The following MEAK7 variants were observed in gnomAD, a reference collection of about 807,000 sequenced individuals.
MEAK7 encodes the protein MTOR-associated protein MEAK7.
In MEAK7, 68 loss-of-function variants were observed where a neutral mutation model predicts 40.5. The observed-to-expected ratio is 1.68, with a 90% CI of 1.38 to 2.06. The LOEUF is 2.06. MEAK7 is among the 30% of genes most tolerant of loss of function. MEAK7 has a pLI of 0.00. For missense variants in MEAK7, 918 were observed against 580.5 expected (o/e 1.58, Z -5.98); for synonymous variants, 338 against 231.9 (o/e 1.46, Z -4.16).
intron 3 of MEAK7, among the ~76,000 whole-genome samples, chr16:84,491,318 A>G (rs1913577166): frequency 6.6e-6 from 1 of 152,190 alleles, no homozygotes; most frequent in Non-Finnish European, 1.5e-5. Flanking sequence ...TGGGCAGATC[A>G]TTTGAGGTTA....
At chr16:84,482,807 G>A (rs999190199) in intron 5 of MEAK7, 97 bp from the exon 6 acceptor site, 44 of 1,537,486 alleles carry the variant, frequency 2.9e-5, no homozygotes, top group Non-Finnish European at 3.9e-5. Context: ...GAAGCAACAG[G>A]GCCAAGACCC....
intron 3 of MEAK7, chr16:84,494,652 T>A (rs1299135424): frequency 2.9e-6 from 1 of 340,736 alleles, no homozygotes; most frequent in South Asian, 2.3e-5. Flanking sequence ...TTGTTTGTTG[T>A]TTTTCTCTCT....
In MEAK7 at chr16:84,489,156, G is replaced by T. The variant is rs113763598; in HGVS notation, c.529+122C>A. On this transcript the variant is annotated intron_variant, in intron 4 of 7. Transcript: ENST00000343629. ...ATATGCCAACAAACTAGAAAACCTAGAAGAAGGTTCGAGGGCTCACGCATT... is the reference window on the plus strand; with the variant it reads ...ATATGCCAACAAACTAGAAAACCTATAAGAAGGTTCGAGGGCTCACGCATT... 10 of 1,286,312 alleles carry T rather than the reference G, an allele frequency of 7.8e-6. No individual in the cohort carries two copies. The African/African-American group carries it at 1.4e-4, about 17-fold the overall frequency. 79.7% of individuals were successfully genotyped at this position (1,286,312 alleles called of 1,614,324 possible). A position where few individuals can be genotyped will look rare whatever the true frequency, so the allele number is the denominator to read the frequency against.
At chr16:84,483,034 T>G (rs1391691540) in intron 5 of MEAK7, among the ~76,000 whole-genome samples, 1 of 152,158 alleles carries the variant, frequency 6.6e-6, no homozygotes, top group Non-Finnish European at 1.5e-5. Flanking sequence ...AGAGCAGGCT[T>G]CCTTTAGCTT....
Position 84,480,626 on chromosome 16 carries a change from C to T in MEAK7, c.1160G>A (p.Cys387Tyr). 1 of 1,614,070 alleles carries T rather than the reference C, an allele frequency of 6.2e-7. No homozygotes were observed. Among genetic ancestry groups the T allele is most frequent in the South Asian group, 1.1e-5 (1 of 91,078 alleles). The change falls in exon 7 of 8, where the codon TGC (cysteine) becomes TAC (tyrosine). Residue 387 changes from cysteine to tyrosine, a missense_variant. Transcript: ENST00000343629. ...CAGCTGCGGGCTGTTGTACGTGGTG[C>T]ACGTGGGCTTGGCTCTGCTGTGTCC... The part of the protein sequence containing the change: ...GKGHSRAKPT[C>Y]TTYNSPQLSA...
At chr16:84,502,770 C>G (rs1914607947) in intron 1 of MEAK7, 1 of 152,140 alleles carries the variant, frequency 6.6e-6, no homozygotes, top group Admixed American at 6.6e-5. Context: ...ATTCAGGAGG[C>G]TGAGGTGGGA....
rs764770807 is a variant in MEAK7, at chr16:84,486,901, G to C, written c.688C>G (p.Leu230Val). ...ILCSSLDLTT[L>V]VPERQVDQGR... ...TGGTCCACTTGACGCTCAGGGACCA[G>C]GGTAGTCAGATCAAGAGACGAGCAC... is the stretch of plus-strand genomic sequence containing the variant. The change falls in exon 5 of 8, where the codon CTG becomes GTG. Residue 230 changes from leucine (L) to valine (V), a missense_variant. By Grantham distance (32) the Leu-to-Val change is conservative. Coordinates refer to ENST00000343629, the MANE Select transcript of MEAK7 (RefSeq NM_020947.4). 3.7e-6 allele frequency: 6 copies of C among 1,614,094 alleles called. No individual in the cohort carries two copies. Among genetic ancestry groups the C allele is most frequent in the Middle Eastern group, 1.6e-4 (1 of 6,084 alleles).
chr16:84,502,274 G>A (rs1914565989), intron 1 of MEAK7, among the ~76,000 whole-genome samples: 1 of 152,204 alleles, frequency 6.6e-6, no homozygotes, highest in Admixed American at 6.5e-5. Flanking sequence ...AAAAGTGTGT[G>A]GTTGCCACAA....
chr16:84,481,513 C>T (rs796407638), intron 6 of MEAK7, among the ~76,000 whole-genome samples: 1 of 152,218 alleles, frequency 6.6e-6, no homozygotes, highest in Non-Finnish European at 1.5e-5. Flanking sequence ...TTCTAGGTGG[C>T]CTGGCCACGC....
intron 7 of MEAK7, 87 bp from the exon 8 acceptor site, chr16:84,480,113 T>C: frequency 9.0e-7 from 1 of 1,114,526 alleles, no homozygotes; most frequent in Non-Finnish European, 1.3e-6. Context: ...CCTTCTTGGG[T>C]GGAATCAGGC....
Position 84,486,800 on chromosome 16 carries a change from C to A in MEAK7, c.789G>T (p.Arg263=). Residue 263 remains arginine (R), a synonymous_variant, in exon 5 of 8, where the codon CGG becomes CGT. Transcript: ENST00000343629. ...ACGAAAAGAGCAGGCACCAGCGGTGCCGCTGCTCCCGAGGCAGCTGGGCGT... is the reference window on the plus strand; with the variant it reads ...ACGAAAAGAGCAGGCACCAGCGGTGACGCTGCTCCCGAGGCAGCTGGGCGT... ...YINAQLPREQ[R]HRWCLLFSSE... is the part of the protein sequence containing the mutation. 1 of 1,614,020 alleles carries A rather than the reference C, an allele frequency of 6.2e-7. No homozygotes were observed. The highest frequency in any genetic ancestry group is 8.5e-7 in the Non-Finnish European group (1 of 1,179,896).
intron 5 of MEAK7, chr16:84,486,315 G>C: frequency 1.9e-6 from 1 of 513,836 alleles, no homozygotes; most frequent in Non-Finnish European, 2.8e-6. Flanking sequence ...TGTCCGATCT[G>C]AACCAATTAC....
In MEAK7 at chr16:84,480,705, T is replaced by G. The variant is rs1464841076; in HGVS notation, c.1081A>C (p.Met361Leu). The G allele has an allele frequency of 6.2e-7, 1 of 1,610,672 alleles. No individual in the cohort carries two copies. Among genetic ancestry groups the G allele is most frequent in the Admixed American group, 1.7e-5 (1 of 59,476 alleles). ...GQQTIPNGLG[M>L]GGQHNYFGLW... is the part of the protein sequence containing the mutation. ...CCAAAGTAATTGTGCTGCCCCCCCA[T>G]ACCCTGCAAAGGAAGCCAGGACAGA... Residue 361 changes from methionine to leucine, a missense_variant, in exon 7 of 8, where the codon ATG becomes CTG. Physicochemically the swap from Met to Leu is conservative, Grantham distance 15. Coordinates refer to ENST00000343629, the MANE Select transcript of MEAK7 (RefSeq NM_020947.4).
rs960129652 is a variant in MEAK7, at chr16:84,477,702, T to G, written c.*2211A>C. On this transcript the variant is annotated 3_prime_UTR_variant, in exon 8 of 8. Transcript: ENST00000343629. ...CTGGTTTCACAAAAGAACAAACTAT[T>G]CATTTGTGCAAACTAGGATTGCGAG... The G allele has an allele frequency of 6.6e-6, 1 of 151,910 alleles. No individual in the cohort carries two copies. Among genetic ancestry groups the G allele is most frequent in the African/African-American group, 2.4e-5 (1 of 41,290 alleles). The allele number at this position is 151,910 out of a possible 1,614,324, so 9.4% of individuals were successfully genotyped here. A position where few individuals can be genotyped will look rare whatever the true frequency, so the allele number is the denominator to read the frequency against.
At chr16:84,483,425 C>T (rs538302712) in intron 5 of MEAK7, among the ~76,000 whole-genome samples, 40 of 152,218 alleles carry the variant, frequency 2.6e-4, no homozygotes, top group Non-Finnish European at 3.5e-4. Flanking sequence ...AGGACTTGGC[C>T]GGAAGGGCTG....
intron 3 of MEAK7, among the ~76,000 whole-genome samples, chr16:84,490,443 CTTTTTTTTTTTTT>C (rs770073812): frequency 4.3e-5 from 4 of 93,876 alleles, no homozygotes; most frequent in African/African-American, 1.6e-4. Context: ...TCTGCCCCGC[CTTTTTTTTTTTTT>C]TTTTTTTTTT....
chr16:84,492,542 T>C (rs1913705052), intron 3 of MEAK7, among the ~76,000 whole-genome samples: 1 of 148,444 alleles, frequency 6.7e-6, no homozygotes, highest in African/African-American at 2.4e-5. Flanking sequence ...TGACCTGTGA[T>C]CTTATTTTGT....
At chr16:84,490,510 C>G (rs974755451) in intron 3 of MEAK7, among the ~76,000 whole-genome samples, 11 of 130,986 alleles carry the variant, frequency 8.4e-5, no homozygotes, top group African/African-American at 3.3e-4. Flanking sequence ...GTTCCTACAT[C>G]AAAATCCTTT....
intron 6 of MEAK7, among the ~76,000 whole-genome samples, chr16:84,481,675 T>G (rs1323372191): frequency 6.6e-6 from 1 of 152,194 alleles, no homozygotes; most frequent in African/African-American, 2.4e-5. Context: ...GGCTCACGCC[T>G]GTAATCCCAG....
Sources: allele counts gnomAD v4.1 joint callset (sites outside exome capture counted in the v4.1 genomes callset), GRCh38; gene constraint gnomAD v4.1.1; transcripts MANE v1.5; gene names NCBI Gene and HGNC (gene_info 2026-07-23, HGNC 2026-07-21).